AGBL1: variants seen among roughly 807,000 people sequenced by gnomAD.
AGBL1 encodes the protein AGBL carboxypeptidase 1, also known as cytosolic carboxypeptidase 4.
In AGBL1, 130 loss-of-function variants were observed where a neutral mutation model predicts 118.9. The ratio of observed to expected loss-of-function variants is 1.09; its 90% CI spans 0.95 to 1.26. AGBL1 has a LOEUF of 1.26. AGBL1 is among the 50% of genes most tolerant of loss of function. The probability of loss-of-function intolerance (pLI) is 0.00; values close to 1 mark genes in which losing one functional copy is unlikely to be tolerated. For missense variants in AGBL1, 1,584 were observed against 1,298.1 expected (o/e 1.22, Z -3.38); for synonymous variants, 555 against 478.9 (o/e 1.16, Z -2.08).
intron 1 of AGBL1, among the ~76,000 whole-genome samples, chr15:86,112,449 A>G (rs1430036561): frequency 1.3e-5 from 2 of 152,236 alleles, no homozygotes; most frequent in Non-Finnish European, 2.9e-5. Flanking sequence ...CTACAACAAC[A>G]TTATTATCAA....
chr15:86,702,778 GT>G (rs1257550801), intron 22 of AGBL1, among the ~76,000 whole-genome samples: 2 of 151,926 alleles, frequency 1.3e-5, no homozygotes, highest in African/African-American at 2.4e-5. Flanking sequence ...TCACTTGCTT[GT>G]CTTCGTCTGC....
At chr15:86,868,233 G>T (rs1355242454) in intron 22 of AGBL1, among the ~76,000 whole-genome samples, 1 of 152,214 alleles carries the variant, frequency 6.6e-6, no homozygotes, top group African/African-American at 2.4e-5. Context: ...GAGTGAAGAT[G>T]ATTTGGTTTA....
intron 21 of AGBL1, among the ~76,000 whole-genome samples, chr15:86,572,510 C>T (rs1481535870): frequency 6.6e-6 from 1 of 152,194 alleles, no homozygotes; most frequent in African/African-American, 2.4e-5. Context: ...CCAGGAGGCT[C>T]CCAGAGGCAG....
intron 22 of AGBL1, among the ~76,000 whole-genome samples, chr15:86,714,541 G>A (rs1200536209): frequency 6.6e-6 from 1 of 152,156 alleles, no homozygotes; most frequent in Non-Finnish European, 1.5e-5. Context: ...ATGGAGTGGT[G>A]TGAGGTCTAT....
In AGBL1 at chr15:86,998,512, C is replaced by A. The variant is rs1412824667; in HGVS notation, c.3323+10424C>A. On this transcript the variant is annotated intron_variant, in intron 24 of 24. Transcript: ENST00000441037. ...GCCCTGGCTGATACCTCAATTGTAG[C>A]CTCTTAAAGATTCTGATATAGAGAC... Among the ~76,000 whole-genome samples, 7 of 152,248 alleles carry A rather than the reference C, an allele frequency of 4.6e-5. No individual in the cohort carries two copies. The South Asian group carries it at 1.2e-3, about 27-fold the overall frequency.
At chr15:86,786,917 T>C (rs557495858) in intron 22 of AGBL1, among the ~76,000 whole-genome samples, 1 of 152,280 alleles carries the variant, frequency 6.6e-6, no homozygotes, top group South Asian at 2.1e-4. Flanking sequence ...CCAAAAGGTA[T>C]GTTCATCTTC....
At chr15:86,476,655 A>T (rs556641639) in intron 18 of AGBL1, among the ~76,000 whole-genome samples, 9 of 152,204 alleles carry the variant, frequency 5.9e-5, no homozygotes, top group Non-Finnish European at 1.3e-4. Flanking sequence ...CCCTACTGTC[A>T]ACATGAGACA....
Position 86,399,605 on chromosome 15 carries a change from C to A in AGBL1, c.2555+2059C>A, listed in dbSNP as rs557061445. Among the ~76,000 whole-genome samples, 3 of 152,256 alleles carry A rather than the reference C, an allele frequency of 2.0e-5. No individual in the cohort carries two copies. In the East Asian group the frequency reaches 5.8e-4, roughly 29 times the overall value. ...TGGAAAAGGTCTCAGAAACCCAAGGCAATATTCAAGCTCAGGGATTAAGTA... is the reference window on the plus strand; with the variant it reads ...TGGAAAAGGTCTCAGAAACCCAAGGAAATATTCAAGCTCAGGGATTAAGTA... On this transcript the variant is annotated intron_variant, in intron 18 of 22. Transcript: ENST00000614907.
At chr15:86,744,585 C>CT (rs922148347) in intron 22 of AGBL1, among the ~76,000 whole-genome samples, 3 of 152,056 alleles carry the variant, frequency 2.0e-5, no homozygotes, top group Non-Finnish European at 4.4e-5. Context: ...AGGCACCTTT[C>CT]TTTATAGATC....
intron 18 of AGBL1, among the ~76,000 whole-genome samples, chr15:86,462,499 A>G (rs1405350407): frequency 6.6e-6 from 1 of 151,974 alleles, no homozygotes; most frequent in Non-Finnish European, 1.5e-5. Context: ...GGTTTGTTAC[A>G]TAGGTATACA....
chr15:86,162,264 A>G (rs2077277435), intron 5 of AGBL1, among the ~76,000 whole-genome samples: 1 of 152,182 alleles, frequency 6.6e-6, no homozygotes, highest in Non-Finnish European at 1.5e-5. Flanking sequence ...AAATGCTAGC[A>G]TGCTATGGGA....
intron 18 of AGBL1, among the ~76,000 whole-genome samples, chr15:86,459,192 A>G (rs12898689): frequency 0.41 from 62,323 of 152,000 alleles, 13,419 homozygotes; most frequent in Non-Finnish European, 0.48. Context: ...CCCACCTCAA[A>G]GAGAACAGCT....
chr15:86,126,742 A>G (rs1567071340), intron 1 of AGBL1, among the ~76,000 whole-genome samples: 2 of 152,230 alleles, frequency 1.3e-5, no homozygotes, highest in Non-Finnish European at 2.9e-5. Flanking sequence ...GGCATAGGGA[A>G]AGATAAATAG....
At chr15:86,647,881 A>G (rs1016046081) in intron 21 of AGBL1, among the ~76,000 whole-genome samples, 2 of 152,180 alleles carry the variant, frequency 1.3e-5, no homozygotes, top group South Asian at 4.1e-4. Context: ...TAATTTGAAT[A>G]TGTGAGGACG....
At chr15:86,464,443 C>T (rs181175630) in intron 18 of AGBL1, among the ~76,000 whole-genome samples, 2 of 152,250 alleles carry the variant, frequency 1.3e-5, no homozygotes, top group Admixed American at 1.3e-4. Context: ...CTTTCTCTTG[C>T]CTGATTGCAC....
At chr15:86,566,851 T>C (rs549338478) in intron 21 of AGBL1, among the ~76,000 whole-genome samples, 1 of 152,228 alleles carries the variant, frequency 6.6e-6, no homozygotes, top group African/African-American at 2.4e-5. Flanking sequence ...TTGTTTAATA[T>C]GGGCTCCTGT....
chr15:86,688,201 C>A (rs902855761), intron 22 of AGBL1, among the ~76,000 whole-genome samples: 1 of 151,976 alleles, frequency 6.6e-6, no homozygotes, highest in Non-Finnish European at 1.5e-5. Flanking sequence ...GAGGGAGGTC[C>A]TCTCTGACCC....
chr15:86,080,214 C>T (rs548496870), intron 1 of AGBL1, 191 bp downstream of exon 1: 25 of 398,656 alleles, frequency 6.3e-5, no homozygotes, highest in East Asian at 6.1e-4. Context: ...TTAAACACGA[C>T]GATGTTGATG....
intron 18 of AGBL1, among the ~76,000 whole-genome samples, chr15:86,430,894 G>C (rs577944543): frequency 9.9e-5 from 15 of 152,030 alleles, no homozygotes; most frequent in African/African-American, 3.6e-4. Context: ...ATAGTTTCTA[G>C]CATTTTATAC....
Sources: gnomAD v4.1 joint callset for allele counts (sites outside exome capture counted in the v4.1 genomes callset) on GRCh38, gnomAD v4.1.1 for gene constraint, MANE v1.5 for transcripts, NCBI Gene and HGNC (gene_info 2026-07-23, HGNC 2026-07-21) for gene names.